KCNA3: variants seen among roughly 807,000 people sequenced by gnomAD.
The protein encoded by KCNA3 is potassium voltage-gated channel subfamily A member 3.
KCNA3 carries 18 observed loss-of-function variants against 34.3 expected under a neutral mutation model. That is an observed-to-expected ratio of 0.52 (90% confidence interval 0.36 to 0.78). The LOEUF (loss-of-function observed/expected upper bound fraction) is 0.78. KCNA3 is among the 30% of genes least tolerant of loss of function. The probability of loss-of-function intolerance (pLI) is 0.00; values close to 1 mark genes in which losing one functional copy is unlikely to be tolerated. For synonymous variants in KCNA3, 324 were observed against 351.7 expected, an observed-to-expected ratio of 0.92 and a Z score of 0.88; for missense variants, 587 against 802.5, an observed-to-expected ratio of 0.73 and a Z score of 3.24.
Position 110,673,691 on chromosome 1 carries a change from G to T in KCNA3, c.1119C>A (p.Arg373=), listed in dbSNP as rs1224382347. The T allele has an allele frequency of 6.2e-7, 1 of 1,614,236 alleles. No individual in the cohort carries two copies. The highest frequency in any genetic ancestry group is 8.5e-7 in the Non-Finnish European group (1 of 1,180,046). ...LRVIRLVRVF[R]IFKLSRHSKG... ...TGGAGTGGCGCGACAGCTTGAAGAT[G>T]CGGAAGACCCTTACCAGGCGGATGA... Residue 373 remains arginine (R), a synonymous_variant, in exon 1 of 1, where the codon CGC becomes CGA. Transcript: ENST00000369769. This position sits in a 1 kb window ranked among gnomAD's most constrained non-coding sequence, Gnocchi z 8.8.
chr1:110,659,044 AT>A, the KCNA3 span, among the ~76,000 whole-genome samples: 10 of 152,294 alleles, frequency 6.6e-5, no homozygotes, highest in African/African-American at 2.4e-4. Flanking sequence ...ACTTATTTAT[AT>A]GTAAATGGGC....
chr1:110,672,934 C>T lies in KCNA3; in HGVS notation c.*148G>A. On this transcript the variant is annotated 3_prime_UTR_variant, in exon 1 of 1. Transcript: ENST00000369769. The stretch of plus-strand genomic sequence containing the variant: ...AGGCACCTGTTTCAGTATGAAGCAG[C>T]AGGGAGAGGGAGAATGAAGTGTGCT... 2 of 784,210 alleles carry T rather than the reference C, an allele frequency of 2.6e-6. No homozygotes were observed. Among genetic ancestry groups the T allele is most frequent in the Non-Finnish European group, 2.0e-6 (1 of 492,978 alleles). 48.6% of individuals were successfully genotyped at this position (784,210 alleles called of 1,614,324 possible). A position where few individuals can be genotyped will look rare whatever the true frequency, so the allele number is the denominator to read the frequency against.
Position 110,673,330 on chromosome 1 carries a change from C to T in KCNA3, c.1480G>A (p.Glu494Lys), listed in dbSNP as rs1394972270. Residue 494 changes from glutamate to lysine, a missense_variant, in exon 1 of 1, where the codon GAA (glutamate) becomes AAA (lysine). This residue lies in a region of KCNA3 where 95 missense variants were observed against 107.3 expected (regional missense o/e 0.89). Transcript: ENST00000369769. This position sits in a 1 kb window ranked among gnomAD's most constrained non-coding sequence, Gnocchi z 8.8. ...NYFYHRETEG[E>K]EQSQYMHVGS... ...ACGTGCATGTACTGGGATTGCTCTTCCCCTTCTGTCTCCCGGTGGTAGAAG... is the reference window on the plus strand; with the variant it reads ...ACGTGCATGTACTGGGATTGCTCTTTCCCTTCTGTCTCCCGGTGGTAGAAG... The T allele has an allele frequency of 6.2e-7, 1 of 1,613,968 alleles. No homozygotes were observed. The highest frequency in any genetic ancestry group is 8.5e-7 in the Non-Finnish European group (1 of 1,180,042).
At chr1:110,663,081 A>G in the KCNA3 span, among the ~76,000 whole-genome samples, 1 of 152,312 alleles carries the variant, frequency 6.6e-6, no homozygotes, top group African/African-American at 2.4e-5. Flanking sequence ...CCCTGTAGTC[A>G]GACACGAGGT....
Position 110,674,754 on chromosome 1 carries a change from C to A in KCNA3, c.56G>T (p.Arg19Leu). 1 of 1,367,798 alleles carries A rather than the reference C, an allele frequency of 7.3e-7. No individual in the cohort carries two copies. Among genetic ancestry groups the A allele is most frequent in the South Asian group, 1.8e-5 (1 of 54,596 alleles). The allele number at this position is 1,367,798 out of a possible 1,614,324, so 84.7% of individuals were successfully genotyped here. Residue 19 changes from arginine to leucine, a missense_variant, in exon 1 of 1, where the codon CGC becomes CTC. Physicochemically the swap from Arg to Leu is moderately radical, Grantham distance 102. Around this residue, in one of 7 missense-constraint regions of KCNA3, gnomAD observed 341 missense variants for 355.4 expected, o/e 0.96. Transcript: ENST00000369769. The surrounding 1 kb of genome is among the most constrained non-coding windows in gnomAD (Gnocchi z 6.4). The stretch of plus-strand genomic sequence containing the variant: ...CGCTGGGCGCTGAGGAGGGTGGGCG[C>A]GGTGGCGGGCTGAGGGCGGCGGCGG... Reference protein sequence around the residue: ...RSPPPPSARHRAHPPQRPASS... With the variant: ...RSPPPPSARHLAHPPQRPASS...
Position 110,673,571 on chromosome 1 carries a change from G to A in KCNA3, c.1239C>T (p.Ser413=). The A allele has an allele frequency of 6.2e-7, 1 of 1,614,188 alleles. No homozygotes were observed. The highest frequency in any genetic ancestry group is 8.5e-7 in the Non-Finnish European group (1 of 1,180,040). ...CTGCCTCGGCAAAGTAGACCGCGCTGGAGAAAAGGATGACCCCAATAAAGA... is the reference window on the plus strand; with the variant it reads ...CTGCCTCGGCAAAGTAGACCGCGCTAGAGAAAAGGATGACCCCAATAAAGA... The part of the protein sequence containing the change: ...FFLFIGVILF[S]SAVYFAEADD... Residue 413 remains serine, a synonymous_variant, in exon 1 of 1, where the codon TCC becomes TCT. Transcript: ENST00000369769. The surrounding 1 kb of genome is among the most constrained non-coding windows in gnomAD (Gnocchi z 8.8).
chr1:110,659,356 C>T, the KCNA3 span, among the ~76,000 whole-genome samples: 1 of 152,170 alleles, frequency 6.6e-6, no homozygotes, highest in Non-Finnish European at 1.5e-5. Context: ...CTTTTATATG[C>T]ACGCATTATG....
chr1:110,667,615 G>A (rs539441702), downstream of KCNA3, among the ~76,000 whole-genome samples: 1 of 152,038 alleles, frequency 6.6e-6, no homozygotes, highest in Non-Finnish European at 1.5e-5. Flanking sequence ...TGGATCCCAA[G>A]AAAATGATGG....
the KCNA3 span, among the ~76,000 whole-genome samples, chr1:110,667,233 A>T: frequency 1.3e-5 from 2 of 152,204 alleles, no homozygotes; most frequent in Non-Finnish European, 1.5e-5. Flanking sequence ...AGACAAATGA[A>T]ATAACAGTGC....
upstream of KCNA3, chr1:110,674,940 TGG>T: frequency 8.5e-7 from 1 of 1,171,478 alleles, no homozygotes; most frequent in East Asian, 3.3e-5. This position sits in a 1 kb window ranked among gnomAD's most constrained non-coding sequence, Gnocchi z 6.4. Context: ...TGTCTGGGTC[TGG>T]CGCGGTCAGC....
At chr1:110,655,895 A>G in the KCNA3 span, 117 of 152,214 alleles carry the variant, frequency 7.7e-4, no homozygotes, top group African/African-American at 2.7e-3. Flanking sequence ...GATGTGCAAA[A>G]GCTATAACCC....
chr1:110,665,715 T>C, the KCNA3 span, among the ~76,000 whole-genome samples: 689 of 152,136 alleles, frequency 4.5e-3, 4 homozygotes, highest in African/African-American at 0.016. Context: ...AAAGAACCAG[T>C]AAATAAGATT....
At chr1:110,668,153 C>T (rs1385047493), downstream of KCNA3, among the ~76,000 whole-genome samples, 1 of 152,066 alleles carries the variant, frequency 6.6e-6, no homozygotes, top group East Asian at 1.9e-4. Context: ...TAAAACAAAA[C>T]ACAAAGAAAA....
chr1:110,669,405 C>A (rs190179033), downstream of KCNA3, among the ~76,000 whole-genome samples: 321 of 152,220 alleles, frequency 2.1e-3, no homozygotes, highest in African/African-American at 7.6e-3. Flanking sequence ...AGAAAATAAT[C>A]TTTTGTTATT....
In KCNA3 at chr1:110,673,565, C is replaced by A. The variant is rs199589802; in HGVS notation, c.1245G>T (p.Ala415=). ...GGTCGTCTGCCTCGGCAAAGTAGAC[C>A]GCGCTGGAGAAAAGGATGACCCCAA... is the stretch of plus-strand genomic sequence containing the variant. ...LFIGVILFSS[A]VYFAEADDPT... The change falls in exon 1 of 1, where the codon GCG becomes GCT. Residue 415 remains alanine, a synonymous_variant. Coordinates refer to ENST00000369769, the MANE Select transcript of KCNA3 (RefSeq NM_002232.5). This position sits in a 1 kb window ranked among gnomAD's most constrained non-coding sequence, Gnocchi z 8.8. 3.1e-5 allele frequency: 50 copies of A among 1,614,156 alleles called. No homozygotes were observed. The highest frequency in any genetic ancestry group is 3.8e-5 in the Non-Finnish European group (45 of 1,180,034).
downstream of KCNA3, among the ~76,000 whole-genome samples, chr1:110,668,799 C>T (rs1288911357): frequency 6.6e-6 from 1 of 152,196 alleles, no homozygotes; most frequent in Non-Finnish European, 1.5e-5. Flanking sequence ...CACCTCCTCA[C>T]ATGAATCTCT....
At chr1:110,664,653 T>C in the KCNA3 span, among the ~76,000 whole-genome samples, 8 of 152,304 alleles carry the variant, frequency 5.3e-5, no homozygotes, top group African/African-American at 1.2e-4. Context: ...GCACCAACTG[T>C]ATTTCAGGTA....
In KCNA3 at chr1:110,673,244, C is replaced by T. The variant is rs774407954; in HGVS notation, c.1566G>A (p.Ser522=). Reference sequence around the variant, plus strand: ...CCATATACTCCGACTTACTCAGAGTCGAGTTACTCCTTGCTTTTCGGAGCT... The same window carrying T: ...CCATATACTCCGACTTACTCAGAGTTGAGTTACTCCTTGCTTTTCGGAGCT... ...AEELRKARSN[S]TLSKSEYMVI... Residue 522 remains serine, a synonymous_variant, in exon 1 of 1, where the codon TCG becomes TCA. Coordinates refer to ENST00000369769, the MANE Select transcript of KCNA3 (RefSeq NM_002232.5). This position sits in a 1 kb window ranked among gnomAD's most constrained non-coding sequence, Gnocchi z 8.8. The T allele has an allele frequency of 6.2e-7, 1 of 1,614,076 alleles. No homozygotes were observed. The highest frequency in any genetic ancestry group is 1.1e-5 in the South Asian group (1 of 91,074).
chr1:110,673,314 T>C lies in KCNA3; in HGVS notation c.1496A>G (p.Tyr499Cys). The change falls in exon 1 of 1, where the codon TAC becomes TGC. Residue 499 changes from tyrosine to cysteine, a missense_variant. Tyr to Cys is a radical substitution (Grantham distance 194). This residue lies in a region of KCNA3 where 95 missense variants were observed against 107.3 expected (regional missense o/e 0.89). Coordinates refer to ENST00000369769, the MANE Select transcript of KCNA3 (RefSeq NM_002232.5). This position sits in a 1 kb window ranked among gnomAD's most constrained non-coding sequence, Gnocchi z 8.8. ...GTGCTGGCAACTTCCCACGTGCATG[T>C]ACTGGGATTGCTCTTCCCCTTCTGT... Reference protein sequence around the residue: ...RETEGEEQSQYMHVGSCQHLS... With the variant: ...RETEGEEQSQCMHVGSCQHLS... 1 of 1,614,074 alleles carries C rather than the reference T, an allele frequency of 6.2e-7. No individual in the cohort carries two copies. The highest frequency in any genetic ancestry group is 2.2e-5 in the East Asian group (1 of 44,868).
Sources: gnomAD v4.1 joint callset for allele counts (sites outside exome capture counted in the v4.1 genomes callset) on GRCh38, gnomAD v4.1.1 for gene constraint, gnomAD v4.1.1 regional missense constraint, Gnocchi (gnomAD v3.1) non-coding constraint, MANE v1.5 for transcripts, NCBI Gene and HGNC (gene_info 2026-07-23, HGNC 2026-07-21) for gene names.